SPIB: variants seen among roughly 807,000 people sequenced by gnomAD.
SPIB encodes the protein Spi-B transcription factor, also known as transcription factor Spi-B.
SPIB carries 7 observed loss-of-function variants against 31.9 expected under a neutral mutation model. The observed-to-expected ratio is 0.22, with a 90% CI of 0.12 to 0.41. The LOEUF is 0.41. Ranked by LOEUF, SPIB falls within the 10% of genes least tolerant of loss-of-function variation. SPIB has a pLI of 1.00. For synonymous variants in SPIB, 176 were observed against 158.9 expected, an observed-to-expected ratio of 1.11 and a Z score of -0.81; for missense variants, 327 against 360.2, an observed-to-expected ratio of 0.91 and a Z score of 0.75.
intron 5 of SPIB, among the ~76,000 whole-genome samples, chr19:50,427,616 A>G (rs1418127049): frequency 2.0e-5 from 3 of 152,244 alleles, no homozygotes; most frequent in Non-Finnish European, 4.4e-5. Context: ...CTGGGAGACC[A>G]GGAGCTGGAG....
At chr19:50,422,665 C>G in intron 3 of SPIB, 120 bp downstream of exon 3, 1 of 1,178,422 alleles carries the variant, frequency 8.5e-7, no homozygotes, top group Non-Finnish European at 1.2e-6. Flanking sequence ...GGGCCTATAG[C>G]CCTCCTCCCC....
chr19:50,419,482 G>A (rs902547810), intron 1 of SPIB, among the ~76,000 whole-genome samples: 1 of 152,102 alleles, frequency 6.6e-6, no homozygotes, highest in African/African-American at 2.4e-5. Flanking sequence ...CTCTGTGCGT[G>A]AATGTCCCTT....
chr19:50,426,715 G>A (rs1484685110), intron 5 of SPIB, among the ~76,000 whole-genome samples: 2 of 151,862 alleles, frequency 1.3e-5, no homozygotes, highest in African/African-American at 2.4e-5. Flanking sequence ...GGCTTGTCTC[G>A]AACTCCTGAC....
intron 2 of SPIB, among the ~76,000 whole-genome samples, chr19:50,420,239 T>C (rs2039477595): frequency 6.6e-6 from 1 of 152,200 alleles, no homozygotes; most frequent in Non-Finnish European, 1.5e-5. Flanking sequence ...CTTTCCTTCT[T>C]TTTGTTCGTA....
chr19:50,427,325 G>C (rs2039577206), intron 5 of SPIB, among the ~76,000 whole-genome samples: 1 of 152,240 alleles, frequency 6.6e-6, no homozygotes, highest in South Asian at 2.1e-4. Context: ...AGGAGTTCGA[G>C]ACCAGCCTGG....
Position 50,422,535 on chromosome 19 carries a change from G to T in SPIB, c.114G>T (p.Glu38Asp), listed in dbSNP as rs757896143. ...AGCATTCCAGCTACCCTGATTCAGA[G>T]GGGGCTCCTGGTGAGTGACCCCAGC... Reference protein sequence around the residue: ...SCKHSSYPDSEGAPDSLWDWT... With the variant: ...SCKHSSYPDSDGAPDSLWDWT... The change falls in exon 3 of 6, where the codon GAG (glutamate) becomes GAT (aspartate). Residue 38 changes from glutamate (E) to aspartate (D), a missense_variant. By Grantham distance (45) the Glu-to-Asp change is conservative. This residue lies in a region of SPIB where 238 missense variants were observed against 228.8 expected (regional missense o/e 1.04). Coordinates refer to ENST00000595883, the MANE Select transcript of SPIB (RefSeq NM_003121.5). 1.9e-6 allele frequency: 3 copies of T among 1,613,890 alleles called. No individual in the cohort carries two copies. The South Asian group carries it at 3.3e-5, about 18-fold the overall frequency.
rs575838252 is a variant in SPIB at position 50,426,785 on chromosome 19, G to A, written c.491-1253G>A. The stretch of plus-strand genomic sequence containing the variant: ...GCTGGGATCACAGGCATGGCCCACC[G>A]CGCCCAGCCTCCAACTTATACTTTC... On this transcript the variant is annotated intron_variant, in intron 5 of 5. Coordinates refer to ENST00000595883, the MANE Select transcript of SPIB (RefSeq NM_003121.5). Among the ~76,000 whole-genome samples the A allele has an allele frequency of 5.3e-4, 81 of 151,822 alleles. 1 individual carries two copies. The highest frequency in any genetic ancestry group is 4.1e-3 in the Admixed American group (62 of 15,250).
chr19:50,420,104 ATCTCCT>A (rs1477189201), intron 2 of SPIB, 131 bp downstream of exon 2: 1 of 724,640 alleles, frequency 1.4e-6, no homozygotes, highest in African/African-American at 1.9e-5. Flanking sequence ...CCCCCTTGGT[ATCTCCT>A]GCTACCCCGC....
At chr19:50,422,571 T>C (rs1247489803) in intron 3 of SPIB, 26 bp downstream of exon 3, 2 of 1,610,332 alleles carry the variant, frequency 1.2e-6, no homozygotes, top group Non-Finnish European at 1.7e-6. Flanking sequence ...CCTGTGCCCT[T>C]CCTGCCTTGG....
chr19:50,426,651 C>T (rs535054655), intron 5 of SPIB, among the ~76,000 whole-genome samples: 5 of 152,084 alleles, frequency 3.3e-5, no homozygotes, highest in South Asian at 4.2e-4. Context: ...GAGCCAAGCA[C>T]ACCCAGCTAA....
At position 50,428,541 on chromosome 19, in the gene SPIB, T is replaced by G; in HGVS notation, c.*205T>G. On this transcript the variant is annotated 3_prime_UTR_variant, in exon 6 of 6. Coordinates refer to ENST00000595883, the MANE Select transcript of SPIB (RefSeq NM_003121.5). The surrounding 1 kb of genome is among the most constrained non-coding windows in gnomAD (Gnocchi z 6.5). ...GATTCCCCACTTGTGCCTGGGGTCC[T>G]CTGGGATTTCTTTGTCATGTACAGA... The G allele has an allele frequency of 1.9e-6, 1 of 532,306 alleles. No individual in the cohort carries two copies. Among genetic ancestry groups the G allele is most frequent in the Non-Finnish European group, 3.2e-6 (1 of 309,584 alleles). The allele number at this position is 532,306 out of a possible 1,614,324, so 33.0% of individuals were successfully genotyped here.
intron 5 of SPIB, among the ~76,000 whole-genome samples, chr19:50,423,956 A>C (rs2039534259): frequency 6.6e-6 from 1 of 152,082 alleles, no homozygotes; most frequent in South Asian, 2.1e-4. Flanking sequence ...ATGGGGATGG[A>C]GGTGATAGTG....
chr19:50,427,740 A>G (rs1158136852), intron 5 of SPIB, among the ~76,000 whole-genome samples: 2 of 152,116 alleles, frequency 1.3e-5, no homozygotes, highest in African/African-American at 4.8e-5. Context: ...CTCAACAAAT[A>G]TGGAATATTA....
chr19:50,427,816 AG>A (rs1471567088), intron 5 of SPIB, among the ~76,000 whole-genome samples: 1 of 112,958 alleles, frequency 8.9e-6, no homozygotes, highest in East Asian at 2.6e-4. Context: ...CAGAACGCGG[AG>A]GGGGCCTGGG....
chr19:50,428,669 T>A lies in SPIB; in HGVS notation c.*333T>A. 3.1e-6 allele frequency: 1 copy of A among 325,778 alleles called. No homozygotes were observed. The highest frequency in any genetic ancestry group is 5.6e-6 in the Non-Finnish European group (1 of 179,322). 20.2% of individuals were successfully genotyped at this position (325,778 alleles called of 1,614,324 possible). A position where few individuals can be genotyped will look rare whatever the true frequency, so the allele number is the denominator to read the frequency against. ...AGAATCCCAAGAGCTTCTCTGGGAT[T>A]TTCTTGTGATATCTGATTCCCCAGT... On this transcript the variant is annotated 3_prime_UTR_variant, in exon 6 of 6. Coordinates refer to ENST00000595883, the MANE Select transcript of SPIB (RefSeq NM_003121.5). This position sits in a 1 kb window ranked among gnomAD's most constrained non-coding sequence, Gnocchi z 6.5.
At chr19:50,422,582 G>A (rs116692704) in intron 3 of SPIB, 37 bp downstream of exon 3, 2 of 1,606,116 alleles carry the variant, frequency 1.2e-6, no homozygotes, top group African/African-American at 1.3e-5. Flanking sequence ...CCTGCCTTGG[G>A]GCCCATTTCA....
At chr19:50,424,758 C>T (rs750113780) in intron 5 of SPIB, among the ~76,000 whole-genome samples, 3 of 147,714 alleles carry the variant, frequency 2.0e-5, no homozygotes, top group Non-Finnish European at 3.0e-5. Flanking sequence ...TCCAGCCTGG[C>T]GACAGAGTAA....
intron 5 of SPIB, among the ~76,000 whole-genome samples, chr19:50,427,276 G>A (rs1309809397): frequency 6.6e-6 from 1 of 152,024 alleles, no homozygotes; most frequent in Non-Finnish European, 1.5e-5. Context: ...TGTAATCCCA[G>A]CACTTTGGGA....
rs1451994031 is a variant in SPIB at position 50,423,030 on chromosome 19, C to A, written c.332C>A (p.Ala111Asp). The A allele has an allele frequency of 2.8e-6, 4 of 1,443,628 alleles. No individual in the cohort carries two copies. Among genetic ancestry groups the A allele is most frequent in the Non-Finnish European group, 3.7e-6 (4 of 1,067,318 alleles). 89.4% of individuals were successfully genotyped at this position (1,443,628 alleles called of 1,614,324 possible). A position where few individuals can be genotyped will look rare whatever the true frequency, so the allele number is the denominator to read the frequency against. The part of the protein sequence containing the change: ...GLPAYPTENF[A>D]SQTLVPPAYA... ...CCTGCATACCCCACGGAGAACTTCG[C>A]TAGCCAGGTGAGTGGTAAGGGGACA... Residue 111 changes from alanine (A) to aspartate (D), a missense_variant, in exon 4 of 6, where the codon GCT (alanine) becomes GAT (aspartate). Around this residue, in one of 4 missense-constraint regions of SPIB, gnomAD observed 238 missense variants for 228.8 expected, o/e 1.04. Coordinates refer to ENST00000595883, the MANE Select transcript of SPIB (RefSeq NM_003121.5).
Sources: allele counts gnomAD v4.1 joint callset (sites outside exome capture counted in the v4.1 genomes callset), GRCh38; gene constraint gnomAD v4.1.1; regional missense constraint gnomAD v4.1.1; non-coding constraint Gnocchi (gnomAD v3.1); transcripts MANE v1.5; gene names NCBI Gene and HGNC (gene_info 2026-07-23, HGNC 2026-07-21).